PHKA2: variants seen among roughly 807,000 people sequenced by gnomAD.
PHKA2 encodes phosphorylase b kinase regulatory subunit alpha, liver isoform.
Under a neutral mutation model 102.0 loss-of-function variants are expected in PHKA2, and 31 were observed. That is an observed-to-expected ratio of 0.30 (90% CI 0.23 to 0.41). PHKA2 has a LOEUF of 0.41. Among genes scored for constraint, PHKA2 ranks in the 10% least tolerant of loss-of-function variants. The pLI is 1.00. For missense variants in PHKA2, 858 were observed against 1,023.1 expected, an observed-to-expected ratio of 0.84 and a Z score of 2.20; for synonymous variants, 455 against 416.2, an observed-to-expected ratio of 1.09 and a Z score of -1.13.
chrX:18,899,285 G>C (rs2047632858), intron 28 of PHKA2, 59 bp from the exon 29 acceptor site: 2 of 976,590 alleles, frequency 2.0e-6, no homozygotes, highest in Admixed American at 2.2e-5. Context: ...ACACAGCAGA[G>C]AGGAGGGTCA....
At chrX:18,914,777 C>A (rs1370415265) in intron 19 of PHKA2, among the ~76,000 whole-genome samples, 1 of 111,858 alleles carries the variant, frequency 8.9e-6, no homozygotes, top group Admixed American at 9.5e-5. Context: ...AGGCCCTAAT[C>A]CTTGAAATAG....
In PHKA2 at chrX:18,924,800, C is replaced by T. The variant is rs886342370; in HGVS notation, c.1570-275G>A. On this transcript the variant is annotated intron_variant, in intron 15 of 32. Coordinates refer to ENST00000379942, the MANE Select transcript of PHKA2 (RefSeq NM_000292.3). ...GGGGATTTAAGCATCTTGCCCAACACTGCTGTCTCTGAAAGCAAATCAATA... is the reference window on the plus strand; with the variant it reads ...GGGGATTTAAGCATCTTGCCCAACATTGCTGTCTCTGAAAGCAAATCAATA... Among the ~76,000 whole-genome samples, 4 of 112,077 alleles carry T rather than the reference C, an allele frequency of 3.6e-5. No individual in the cohort carries two copies. In the South Asian group the frequency reaches 1.5e-3, roughly 41 times the overall value.
rs16980934 is a variant in PHKA2, at chrX:18,950,161, G to A, written c.454+943C>T. Among the ~76,000 whole-genome samples, 652 of 111,994 alleles carry A rather than the reference G, an allele frequency of 5.8e-3. 4 individuals carry two copies. The highest frequency in any genetic ancestry group is 0.02 in the African/African-American group (612 of 30,839). Reference sequence around the variant, plus strand: ...GGCTTCAATGGGAACAAGGCACACCGCCGACAAACTGTGAGCCTACTCAGC... The same window carrying A: ...GGCTTCAATGGGAACAAGGCACACCACCGACAAACTGTGAGCCTACTCAGC... On this transcript the variant is annotated intron_variant, in intron 4 of 32. Coordinates refer to ENST00000379942, the MANE Select transcript of PHKA2 (RefSeq NM_000292.3).
intron 2 of PHKA2, among the ~76,000 whole-genome samples, chrX:18,953,892 A>G (rs2048735990): frequency 9.0e-6 from 1 of 111,340 alleles, no homozygotes; most frequent in African/African-American, 3.3e-5. Flanking sequence ...AGGCTGAGGC[A>G]GGACAATCAC....
intron 1 of PHKA2, among the ~76,000 whole-genome samples, chrX:18,968,258 CA>C (rs2048971596): frequency 9.0e-6 from 1 of 110,862 alleles, no homozygotes; most frequent in Non-Finnish European, 1.9e-5. Flanking sequence ...TTTTTCAAAA[CA>C]AAAAAGTAAC....
intron 17 of PHKA2, 103 bp from the exon 18 acceptor site, chrX:18,920,304 A>T: frequency 1.8e-6 from 1 of 548,628 alleles, no homozygotes; most frequent in Admixed American, 2.3e-5. Context: ...CTTCTGCCAG[A>T]ATCAATACAT....
At chrX:18,899,855 C>A (rs963829434) in intron 28 of PHKA2, among the ~76,000 whole-genome samples, 2 of 111,594 alleles carry the variant, frequency 1.8e-5, no homozygotes, top group Non-Finnish European at 3.8e-5. Flanking sequence ...TGTTCCTTGA[C>A]GTAAGTGGTC....
intron 1 of PHKA2, among the ~76,000 whole-genome samples, chrX:18,971,769 G>A (rs2049022199): frequency 8.9e-6 from 1 of 112,424 alleles, no homozygotes. Context: ...GTTTCTGTGG[G>A]TCAGCAATTC....
rs3747315 is a variant in PHKA2 at position 18,983,741 on chromosome X, A to T, written c.78+114T>A. ...ACTGGCTAGCAAGGACTAGATTCAA[A>T]TAGCAAACTCTTAATTGCAAGGTCT... On this transcript the variant is annotated intron_variant, in intron 1 of 32. Coordinates refer to ENST00000379942, the MANE Select transcript of PHKA2 (RefSeq NM_000292.3). 2,685 of 652,716 alleles carry T rather than the reference A, an allele frequency of 4.1e-3. 51 individuals are homozygous for T. The East Asian group carries it at 0.063, about 15-fold the overall frequency. The allele number at this position is 652,716 out of a possible 1,213,427, so 53.8% of individuals were successfully genotyped here.
intron 26 of PHKA2, among the ~76,000 whole-genome samples, chrX:18,902,199 G>A (rs778333877): frequency 2.7e-4 from 30 of 109,925 alleles, no homozygotes; most frequent in African/African-American, 8.9e-4. Context: ...TGGAGTGTGC[G>A]ATCTTGGCTC....
chrX:18,968,095 TA>T (rs938053549), intron 1 of PHKA2, among the ~76,000 whole-genome samples: 5 of 110,928 alleles, frequency 4.5e-5, no homozygotes, highest in African/African-American at 1.6e-4. Context: ...AACAAAACAT[TA>T]AAAAAAAATT....
chrX:18,925,557 G>A, intron 15 of PHKA2, 111 bp downstream of exon 15: 2 of 554,662 alleles, frequency 3.6e-6, no homozygotes, highest in South Asian at 4.8e-5. Flanking sequence ...CATTTCATAT[G>A]TCTCTATTTG....
chrX:18,913,549 G>T (rs2047966681), intron 19 of PHKA2, among the ~76,000 whole-genome samples: 1 of 109,325 alleles, frequency 9.1e-6, no homozygotes, highest in African/African-American at 3.3e-5. Flanking sequence ...GGGATTACAG[G>T]TGTGTGCCTC....
intron 27 of PHKA2, 22 bp downstream of exon 27, chrX:18,901,463 G>A: frequency 2.0e-6 from 2 of 991,443 alleles, no homozygotes; most frequent in South Asian, 1.9e-5. Flanking sequence ...CTCATCCCTC[G>A]CTGCCACTGA....
chrX:18,904,118 G>A (rs931903489), intron 26 of PHKA2, among the ~76,000 whole-genome samples: 1 of 111,530 alleles, frequency 9.0e-6, no homozygotes, highest in African/African-American at 3.3e-5. Flanking sequence ...TGACAAATAA[G>A]GAACTTGGGG....
intron 17 of PHKA2, among the ~76,000 whole-genome samples, chrX:18,920,414 C>T (rs1327294035): frequency 8.0e-5 from 9 of 112,234 alleles, no homozygotes; most frequent in Non-Finnish European, 1.5e-4. Context: ...ATATTAAAAG[C>T]CAAATGAATC....
At position 18,968,632 on chromosome X, in the gene PHKA2, C is replaced by T. The variant is rs1202816500; in HGVS notation, c.79-14220G>A. Among the ~76,000 whole-genome samples, 31 of 109,315 alleles carry T rather than the reference C, an allele frequency of 2.8e-4. No homozygotes were observed. The Admixed American group carries it at 3.0e-3, about 10-fold the overall frequency. The allele number at this position is 109,315 out of a possible 115,157, so 94.9% of individuals were successfully genotyped here. A position where few individuals can be genotyped will look rare whatever the true frequency, so the allele number is the denominator to read the frequency against. On this transcript the variant is annotated intron_variant, in intron 1 of 32. Transcript: ENST00000379942. ...TTGCCCATGTGTGATTTTATAACAT[C>T]AAGCATTGGTCATTTGGAATACATC...
At chrX:18,938,596 A>T in intron 10 of PHKA2, 31 bp downstream of exon 10, 1 of 1,176,561 alleles carries the variant, frequency 8.5e-7, no homozygotes. Context: ...AATGAAAATA[A>T]TTATCAACGT....
chrX:18,954,917 C>A (rs942069796), intron 1 of PHKA2, among the ~76,000 whole-genome samples: 7 of 112,167 alleles, frequency 6.2e-5, no homozygotes, highest in Non-Finnish European at 1.1e-4. Context: ...CCAGATACTT[C>A]ATGTGCCTAA....
Sources: allele counts gnomAD v4.1 joint callset (sites outside exome capture counted in the v4.1 genomes callset), GRCh38; gene constraint gnomAD v4.1.1; transcripts MANE v1.5; gene names NCBI Gene and HGNC (gene_info 2026-07-23, HGNC 2026-07-21).